Variants in LDLRAD4 observed in about 807,000 individuals in gnomAD.
LDLRAD4 encodes low density lipoprotein receptor class A domain containing 4.
LDLRAD4 carries 5 observed loss-of-function variants against 17.0 expected under a neutral mutation model. The observed-to-expected ratio is 0.29, with a 90% CI of 0.15 to 0.62. The LOEUF (loss-of-function observed/expected upper bound fraction) is 0.62. LDLRAD4 is among the 20% of genes least tolerant of loss of function. The pLI is 0.84. For missense variants in LDLRAD4, 340 were observed against 424.7 expected, an observed-to-expected ratio of 0.80 and a Z score of 1.75; for synonymous variants, 168 against 171.8, an observed-to-expected ratio of 0.98 and a Z score of 0.17.
At chr18:13,612,552 C>A (rs758661816) in intron 3 of LDLRAD4, 18 of 1,449,750 alleles carry the variant, frequency 1.2e-5, no homozygotes, top group East Asian at 5.0e-5. Context: ...CACACCCCCC[C>A]CCCCTCCACG....
intron 1 of LDLRAD4, among the ~76,000 whole-genome samples, chr18:13,373,350 T>G (rs2084664105): frequency 6.6e-6 from 1 of 152,296 alleles, no homozygotes; most frequent in South Asian, 2.1e-4. Context: ...TATAAATATA[T>G]GTGTATTTTT....
At chr18:13,419,824 G>C (rs914544510) in intron 2 of LDLRAD4, 1 of 152,218 alleles carries the variant, frequency 6.6e-6, no homozygotes, top group Admixed American at 6.5e-5. Flanking sequence ...GCTGGTAGAA[G>C]ACTGGATGTA....
At chr18:13,627,986 C>T (rs2041324551) in intron 4 of LDLRAD4, among the ~76,000 whole-genome samples, 1 of 152,210 alleles carries the variant, frequency 6.6e-6, no homozygotes, top group Non-Finnish European at 1.5e-5. Context: ...CCTCTACCCT[C>T]CCCTGCAGAT....
At chr18:13,394,536 T>G (rs939029320) in intron 2 of LDLRAD4, among the ~76,000 whole-genome samples, 1 of 152,218 alleles carries the variant, frequency 6.6e-6, no homozygotes, top group African/African-American at 2.4e-5. Context: ...TCAGAAACAT[T>G]CCAATTAATA....
intron 1 of LDLRAD4, among the ~76,000 whole-genome samples, chr18:13,307,473 G>A (rs907252240): frequency 6.6e-6 from 1 of 152,142 alleles, no homozygotes; most frequent in African/African-American, 2.4e-5. Context: ...GCTGAGTGCA[G>A]TGGTGCCATC....
At chr18:13,488,601 G>A (rs908048663) in intron 3 of LDLRAD4, 5 of 152,244 alleles carry the variant, frequency 3.3e-5, no homozygotes, top group East Asian at 1.9e-4. Context: ...GCCTCCAGGC[G>A]TTTTTAGTTG....
At chr18:13,476,428 C>A (rs1539800) in intron 3 of LDLRAD4, among the ~76,000 whole-genome samples, 8,093 of 151,902 alleles carry the variant, frequency 0.053, 282 homozygotes, top group East Asian at 0.12. Context: ...AGTTTGAGAC[C>A]AGCCTGGGCA....
Position 13,445,570 on chromosome 18 carries a change from G to A in LDLRAD4, c.181+7186G>A, listed in dbSNP as rs1244235902. On this transcript the variant is annotated intron_variant, in intron 3 of 5. Transcript: ENST00000359446. ...CATGTCTATGTGTGTGTTTGTGCAT[G>A]TGTGTGTGTATGCGTGAGGGTCTAT... is the stretch of plus-strand genomic sequence containing the variant. Among the ~76,000 whole-genome samples the A allele has an allele frequency of 3.3e-5, 5 of 151,766 alleles. No individual in the cohort carries two copies. The South Asian group carries it at 1.0e-3, about 32-fold the overall frequency.
At chr18:13,646,621 T>C (rs969457130) in exon 6 of LDLRAD4, 2 of 152,686 alleles carry the variant, frequency 1.3e-5, no homozygotes, top group African/African-American at 4.8e-5. Flanking sequence ...CATGCAGTGC[T>C]GCCCTCATCC....
chr18:13,547,686 C>T (rs1034317515), intron 3 of LDLRAD4, among the ~76,000 whole-genome samples: 8 of 152,188 alleles, frequency 5.3e-5, no homozygotes, highest in East Asian at 1.9e-4. Flanking sequence ...ATACCACAAG[C>T]GGCTTCCACT....
At chr18:13,641,370 T>C (rs1180960058) in intron 4 of LDLRAD4, among the ~76,000 whole-genome samples, 1 of 152,180 alleles carries the variant, frequency 6.6e-6, no homozygotes, top group Non-Finnish European at 1.5e-5. Flanking sequence ...ATAAGTTGGA[T>C]AGGCAGAGAC....
In LDLRAD4 at chr18:13,523,708, T is replaced by C. The variant is rs371882465; in HGVS notation, c.181+85324T>C. 4.6e-5 allele frequency among the ~76,000 whole-genome samples: 7 copies of C among 152,308 alleles called. No individual in the cohort carries two copies. The East Asian group carries it at 1.2e-3, about 25-fold the overall frequency. On this transcript the variant is annotated intron_variant, in intron 3 of 5. Coordinates refer to ENST00000359446, the Ensembl canonical transcript of LDLRAD4. ...GCCACTCCCCCTGGTATCTGGATGA[T>C]GTCTGCCACAGACCTTTTCTATGGG...
chr18:13,231,907 A>G (rs2042097081), intron 1 of LDLRAD4, among the ~76,000 whole-genome samples: 1 of 152,238 alleles, frequency 6.6e-6, no homozygotes, highest in African/African-American at 2.4e-5. Context: ...CCTAATTGGA[A>G]TGTGATGCCC....
chr18:13,402,321 A>G (rs187643775), intron 2 of LDLRAD4, among the ~76,000 whole-genome samples: 187 of 152,218 alleles, frequency 1.2e-3, no homozygotes, highest in African/African-American at 4.3e-3. Context: ...CCGAACTCAC[A>G]CTTCTCTTAT....
At chr18:13,585,639 A>G (rs1476790114) in intron 3 of LDLRAD4, among the ~76,000 whole-genome samples, 1 of 152,208 alleles carries the variant, frequency 6.6e-6, no homozygotes, top group Non-Finnish European at 1.5e-5. Context: ...CCATTAGGAA[A>G]ATTAAAGCAT....
exon 6 of LDLRAD4, chr18:13,650,411 A>G (rs2043194187): frequency 7.5e-6 from 3 of 398,850 alleles, no homozygotes; most frequent in Non-Finnish European, 1.3e-5. Flanking sequence ...TTAGAGCTAT[A>G]GAGATTATAT....
At chr18:13,618,083 C>A (rs1032830414) in intron 3 of LDLRAD4, among the ~76,000 whole-genome samples, 1 of 152,208 alleles carries the variant, frequency 6.6e-6, no homozygotes, top group African/African-American at 2.4e-5. Flanking sequence ...AGCAAGCCAC[C>A]TGAACAGCCA....
At chr18:13,431,203 A>T (rs943671097) in intron 2 of LDLRAD4, among the ~76,000 whole-genome samples, 1 of 152,220 alleles carries the variant, frequency 6.6e-6, no homozygotes, top group African/African-American at 2.4e-5. Flanking sequence ...AGAGAAAGCC[A>T]CTGTTGATAT....
intron 3 of LDLRAD4, among the ~76,000 whole-genome samples, chr18:13,617,544 T>C (rs929083858): frequency 6.6e-6 from 1 of 152,216 alleles, no homozygotes; most frequent in Non-Finnish European, 1.5e-5. Flanking sequence ...CATAAAAGTT[T>C]ATAGCATCTA....
Sources: allele counts gnomAD v4.1 joint callset (sites outside exome capture counted in the v4.1 genomes callset), GRCh38; gene constraint gnomAD v4.1.1; transcripts MANE v1.5; gene names NCBI Gene and HGNC (gene_info 2026-07-23, HGNC 2026-07-21).